The following ITM2A variants were observed in gnomAD, a reference collection of about 807,000 sequenced individuals.
The protein encoded by ITM2A is integral membrane protein 2A, also known as BRICHOS domain containing 2A.
In ITM2A, 11 loss-of-function variants were observed where a neutral mutation model predicts 16.6. The ratio of observed to expected loss-of-function variants is 0.66; its 90% confidence interval spans 0.42 to 1.10. The LOEUF (loss-of-function observed/expected upper bound fraction) is 1.10. Ranked by LOEUF, ITM2A falls within the 50% of genes least tolerant of loss-of-function variation. The pLI, the probability that ITM2A is intolerant of heterozygous loss-of-function variation, is 0.00. For missense variants in ITM2A, 243 were observed against 206.8 expected, an observed-to-expected ratio of 1.17 and a Z score of -1.07; for synonymous variants, 102 against 71.2, an observed-to-expected ratio of 1.43 and a Z score of -2.18.
In ITM2A at chrX:79,363,156, G is replaced by A. The variant is rs1569316583; in HGVS notation, c.244-17C>T. On this transcript the variant is annotated splice_polypyrimidine_tract_variant and intron_variant, in intron 2 of 5. Transcript: ENST00000373298. ...AATGGTGCTCTAAAAGACAAAAAGG[G>A]AAAATTACAACCTTCTAATAATCAC... 2.6e-6 allele frequency: 3 copies of A among 1,146,667 alleles called. No homozygotes were observed. The highest frequency in any genetic ancestry group is 2.3e-5 in the Admixed American group (1 of 43,589). 94.5% of individuals were successfully genotyped at this position (1,146,667 alleles called of 1,213,427 possible).
In ITM2A at chrX:79,363,497, G is replaced by A. The variant is rs1343571814; in HGVS notation, c.169C>T (p.Leu57Phe). The A allele has an allele frequency of 1.7e-6, 2 of 1,189,707 alleles. No individual in the cohort carries two copies. Among genetic ancestry groups the A allele is most frequent in the Non-Finnish European group, 2.3e-6 (2 of 879,396 alleles). Residue 57 changes from leucine (L) to phenylalanine (F), a missense_variant, in exon 2 of 6, where the codon CTC becomes TTC. Physicochemically the swap from Leu to Phe is conservative, Grantham distance 22. Transcript: ENST00000373298. Reference sequence around the variant, plus strand: ...GCCAAGATGAATGAAAGGCCTAAGAGAGTAAGCATACATCTCCCAGAGGAG... The same window carrying A: ...GCCAAGATGAATGAAAGGCCTAAGAAAGTAAGCATACATCTCCCAGAGGAG... The part of the protein sequence containing the change: ...EGSSGRCMLT[L>F]LGLSFILAGL...
intron 1 of ITM2A, 27 bp downstream of exon 1, chrX:79,367,078 T>C: frequency 2.6e-5 from 15 of 571,797 alleles, no homozygotes; most frequent in Non-Finnish European, 3.4e-5. Context: ...CGCCCACCCC[T>C]CCCCCATCCC....
At position 79,361,152 on chromosome X, in the gene ITM2A, T is replaced by C; in HGVS notation, c.729A>G (p.Lys243=). The C allele has an allele frequency of 8.3e-7, 1 of 1,204,100 alleles. No homozygotes were observed. The highest frequency in any genetic ancestry group is 1.7e-5 in the African/African-American group (1 of 57,645). Residue 243 remains lysine (K), a synonymous_variant, in exon 6 of 6, where the codon AAA becomes AAG. Coordinates refer to ENST00000373298, the MANE Select transcript of ITM2A (RefSeq NM_004867.5). ...LLGFNKRAID[K]CWKIRHFPNE... ...TGGGGAAGTGTCTAATCTTCCAGCA[T>C]TTATCAATGGCACGTTTGTTGAAAC...
At chrX:79,366,849 T>C in intron 1 of ITM2A, 1 of 335,088 alleles carries the variant, frequency 3.0e-6, no homozygotes, top group Non-Finnish European at 5.2e-6. Flanking sequence ...CCTCAAACTC[T>C]CTCTGACCTC....
At position 79,362,990 on chromosome X, in the gene ITM2A, G is replaced by T. The variant is rs764375775; in HGVS notation, c.393C>A (p.Pro131=). The T allele has an allele frequency of 1.1e-5, 13 of 1,207,651 alleles. No homozygotes were observed. In the Admixed American group the frequency reaches 2.8e-4, roughly 26 times the overall value. Residue 131 remains proline (P), a synonymous_variant, in exon 3 of 6, where the codon CCC becomes CCA. Coordinates refer to ENST00000373298, the MANE Select transcript of ITM2A (RefSeq NM_004867.5). Reference sequence around the variant, plus strand: ...CTGCAGGGTCACTATCAGAGAAACTGGGGACAGGCACATCAATGATTGCAA... The same window carrying T: ...CTGCAGGGTCACTATCAGAGAAACTTGGGACAGGCACATCAATGATTGCAA... ...DNIAIIDVPV[P]SFSDSDPAAI... is the part of the protein sequence containing the mutation.
chrX:79,366,147 C>A (rs1473643246), intron 1 of ITM2A, among the ~76,000 whole-genome samples: 2 of 110,922 alleles, frequency 1.8e-5, no homozygotes, highest in African/African-American at 6.6e-5. Context: ...AGTATACGAA[C>A]CCTGAAAACA....
chrX:79,363,899 T>A, intron 1 of ITM2A, among the ~76,000 whole-genome samples: 1 of 112,021 alleles, frequency 8.9e-6, no homozygotes, highest in East Asian at 2.8e-4. Flanking sequence ...CATTGACTCT[T>A]AACACATTTT....
chrX:79,362,527 A>T, intron 4 of ITM2A, 54 bp downstream of exon 4: 1 of 591,972 alleles, frequency 1.7e-6, no homozygotes, highest in Admixed American at 3.3e-5. Flanking sequence ...AAAAACAAGG[A>T]AGTAAAATTA....
chrX:79,362,515 T>A (rs1045915047), intron 4 of ITM2A, 66 bp downstream of exon 4: 36 of 567,252 alleles, frequency 6.3e-5, no homozygotes, highest in Non-Finnish European at 8.7e-5. Context: ...ATTATTTTTT[T>A]AAAAAACAAG....
In ITM2A at chrX:79,362,601, C is replaced by T. The variant is rs756550098; in HGVS notation, c.532G>A (p.Glu178Lys). Reference protein sequence around the residue: ...SIVMPPKNLVELFGKLASGRY... With the variant: ...SIVMPPKNLVKLFGKLASGRY... ...CATACCGCCAGTTTGCCAAAGAGCT[C>T]TACCAGATTTTTTGGAGGCATAACA... The change falls in exon 4 of 6, where the codon GAG becomes AAG. Residue 178 changes from glutamate to lysine, a missense_variant. Coordinates refer to ENST00000373298, the MANE Select transcript of ITM2A (RefSeq NM_004867.5). The T allele has an allele frequency of 1.7e-6, 2 of 1,191,280 alleles. No homozygotes were observed. The highest frequency in any genetic ancestry group is 3.7e-5 in the South Asian group (2 of 54,212).
At position 79,362,971 on chromosome X, in the gene ITM2A, G is replaced by A. The variant is rs377718732; in HGVS notation, c.412C>T (p.Pro138Ser). The change falls in exon 3 of 6, where the codon CCT becomes TCT. Residue 138 changes from proline (P) to serine (S), a missense_variant. Transcript: ENST00000373298. ...TCAAAGTCATGAATAATTGCTGCAG[G>A]GTCACTATCAGAGAAACTGGGGACA... ...VPVPSFSDSD[P>S]AAIIHDFEKG... 8.3e-7 allele frequency: 1 copy of A among 1,202,637 alleles called. No homozygotes were observed. The highest frequency in any genetic ancestry group is 1.8e-5 in the African/African-American group (1 of 56,734).
chrX:79,367,077 C>CA, intron 1 of ITM2A, 28 bp downstream of exon 1: 13 of 1,040,086 alleles, frequency 1.2e-5, no homozygotes, highest in African/African-American at 1.8e-5. Context: ...TCGCCCACCC[C>CA]TCCCCCATCC....
intron 1 of ITM2A, among the ~76,000 whole-genome samples, chrX:79,365,706 C>G (rs539196204): frequency 9.1e-6 from 1 of 109,524 alleles, no homozygotes; most frequent in Admixed American, 9.7e-5. Flanking sequence ...TATTTAACTA[C>G]TGGCCTCTAA....
Position 79,363,128 on chromosome X carries a change from G to A in ITM2A, c.255C>T (p.Tyr85=). 3.3e-6 allele frequency: 4 copies of A among 1,202,798 alleles called. No homozygotes were observed. Among genetic ancestry groups the A allele is most frequent in the Non-Finnish European group, 4.5e-6 (4 of 889,327 alleles). Residue 85 remains tyrosine (Y), a synonymous_variant, in exon 3 of 6, where the codon TAC becomes TAT. Transcript: ENST00000373298. Reference sequence around the variant, plus strand: ...AATCAAAAAAGCACATCTCTCCACGGTAAATGGTGCTCTAAAAGACAAAAA... The same window carrying A: ...AATCAAAAAAGCACATCTCTCCACGATAAATGGTGCTCTAAAAGACAAAAA... ...YKYFMPKSTI[Y]RGEMCFFDSE...
rs1365596944 is a variant in ITM2A, at chrX:79,360,972, A to G, written c.*117T>C. ...TTTTTTTTTTTCCTTTTTTTAAAGCATAAGCAATAGAGTAAATGCATGAGT... is the reference window on the plus strand; with the variant it reads ...TTTTTTTTTTTCCTTTTTTTAAAGCGTAAGCAATAGAGTAAATGCATGAGT... On this transcript the variant is annotated 3_prime_UTR_variant, in exon 6 of 6. Transcript: ENST00000373298. 2 of 341,282 alleles carry G rather than the reference A, an allele frequency of 5.9e-6. No individual in the cohort carries two copies. Among genetic ancestry groups the G allele is most frequent in the East Asian group, 9.4e-5 (2 of 21,299 alleles). 28.1% of individuals were successfully genotyped at this position (341,282 alleles called of 1,213,427 possible).
At chrX:79,366,953 C>T in intron 1 of ITM2A, 152 bp downstream of exon 1, 1 of 433,271 alleles carries the variant, frequency 2.3e-6, no homozygotes, top group Non-Finnish European at 4.0e-6. Flanking sequence ...CAGAAGGTGC[C>T]GCAAGGAGAC....
chrX:79,361,208 T>C (rs370249410), intron 5 of ITM2A, 31 bp from the exon 6 acceptor site: 229 of 1,141,660 alleles, frequency 2.0e-4, no homozygotes, highest in Non-Finnish European at 3.1e-5. Flanking sequence ...AAAGTGGCTT[T>C]TGAAATTTTT....
chrX:79,361,338 G>C lies in ITM2A; in HGVS notation c.694C>G (p.Leu232Val), dbSNP rs1286915296. 1.7e-6 allele frequency: 2 copies of C among 1,208,581 alleles called. No homozygotes were observed. Among genetic ancestry groups the C allele is most frequent in the Admixed American group, 4.4e-5 (2 of 45,933 alleles). The change falls in exon 5 of 6, where the codon CTC becomes GTC. Residue 232 changes from leucine (L) to valine (V), a missense_variant. Physicochemically the swap from Leu to Val is conservative, Grantham distance 32 (BLOSUM62 1). Coordinates refer to ENST00000373298, the MANE Select transcript of ITM2A (RefSeq NM_004867.5). Reference protein sequence around the residue: ...RKSFRLRRRDLLLGFNKRAID... With the variant: ...RKSFRLRRRDVLLGFNKRAID... ...TACATTAGTTACTTACCCAGCAAGA[G>C]GTCTCTGCGACGAAGGCGGAAGGAC...
chrX:79,366,778 C>T (rs1925588595), intron 1 of ITM2A: 1 of 184,042 alleles, frequency 5.4e-6, no homozygotes, highest in Non-Finnish European at 9.9e-6. Flanking sequence ...CATGCCCCTC[C>T]TTGATCCCCA....
Sources: allele counts gnomAD v4.1 joint callset (sites outside exome capture counted in the v4.1 genomes callset), GRCh38; gene constraint gnomAD v4.1.1; transcripts MANE v1.5; gene names NCBI Gene and HGNC (gene_info 2026-07-23, HGNC 2026-07-21).